Variants in LPP observed in about 807,000 individuals in gnomAD.
LPP encodes lipoma-preferred partner.
A neutral mutation model predicts 60.4 loss-of-function variants in LPP; 38 were observed. That is an observed-to-expected ratio of 0.63 (90% confidence interval 0.49 to 0.83). LPP has a LOEUF of 0.83. LPP is among the 40% of genes least tolerant of loss of function. The probability of loss-of-function intolerance (pLI) is 0.00; values close to 1 mark genes in which losing one functional copy is unlikely to be tolerated. For synonymous variants in LPP, 328 were observed against 290.8 expected, an observed-to-expected ratio of 1.13 and a Z score of -1.30; for missense variants, 902 against 783.6, an observed-to-expected ratio of 1.15 and a Z score of -1.80.
intron 4 of LPP, among the ~76,000 whole-genome samples, chr3:188,484,287 C>T (rs1805672414): frequency 6.6e-6 from 1 of 152,156 alleles, no homozygotes; most frequent in Non-Finnish European, 1.5e-5. Flanking sequence ...AGGGCAAGCA[C>T]CAAGGTGTAT....
intron 1 of LPP, among the ~76,000 whole-genome samples, chr3:188,215,952 C>T (rs2149247161): frequency 6.6e-6 from 1 of 152,326 alleles, no homozygotes; most frequent in South Asian, 2.1e-4. Flanking sequence ...TGCTTCCTTT[C>T]TTTTGTATTG....
At chr3:188,306,717 G>A (rs551007876) in intron 2 of LPP, among the ~76,000 whole-genome samples, 1 of 152,324 alleles carries the variant, frequency 6.6e-6, no homozygotes, top group Admixed American at 6.5e-5. Flanking sequence ...CATCCTCTCT[G>A]AAAGGGGTGA....
intron 4 of LPP, among the ~76,000 whole-genome samples, 170 bp downstream of exon 4, chr3:188,406,483 T>C (rs1316421405): frequency 6.6e-6 from 1 of 152,190 alleles, no homozygotes; most frequent in Non-Finnish European, 1.5e-5. Context: ...ACCAACCCCG[T>C]CTTTTAGGAA....
Position 188,890,173 on chromosome 3 carries a change from G to T in LPP, c.*15694G>T, listed in dbSNP as rs1188599064. 4.6e-6 allele frequency: 1 copy of T among 217,740 alleles called. No homozygotes were observed. The highest frequency in any genetic ancestry group is 6.8e-5 in the East Asian group (1 of 14,798). The allele number at this position is 217,740 out of a possible 1,614,324, so 13.5% of individuals were successfully genotyped here. ...TCTATGCTAAATGTGTCTACTAAGA[G>T]CAGCACTTCCTACTAGCTAAGCACA... On this transcript the variant is annotated 3_prime_UTR_variant, in exon 12 of 12. Transcript: ENST00000617246.
chr3:188,653,209 G>C (rs1163488130), intron 7 of LPP, among the ~76,000 whole-genome samples: 1 of 152,166 alleles, frequency 6.6e-6, no homozygotes, highest in African/African-American at 2.4e-5. Context: ...TGGATGTTGA[G>C]CACCTCTCCT....
Position 188,609,584 on chromosome 3 carries a change from C to G in LPP, c.853C>G (p.Pro285Ala). 6.2e-7 allele frequency: 1 copy of G among 1,614,136 alleles called. No individual in the cohort carries two copies. The highest frequency in any genetic ancestry group is 8.5e-7 in the Non-Finnish European group (1 of 1,180,022). Residue 285 changes from proline (P) to alanine (A), a missense_variant, in exon 7 of 12, where the codon CCT becomes GCT. Physicochemically the swap from Pro to Ala is conservative, Grantham distance 27 (BLOSUM62 -1). Coordinates refer to ENST00000617246, the MANE Select transcript of LPP (RefSeq NM_001375462.1). The surrounding 1 kb of genome is among the most constrained non-coding windows in gnomAD (Gnocchi z 6.9). ...TCCACCACCAGGACTTCAGCCGGAGCCTGGGTATGGGTATGCCCCCAACCA... is the reference window on the plus strand; with the variant it reads ...TCCACCACCAGGACTTCAGCCGGAGGCTGGGTATGGGTATGCCCCCAACCA... ...YIPPPGLQPE[P>A]GYGYAPNQGR...
At chr3:188,324,444 C>T (rs1026802751) in intron 2 of LPP, among the ~76,000 whole-genome samples, 3 of 152,140 alleles carry the variant, frequency 2.0e-5, no homozygotes, top group Non-Finnish European at 4.4e-5. Flanking sequence ...ACCCGAAATG[C>T]GTCATCTCAA....
At chr3:188,416,645 T>C (rs1257683461) in intron 4 of LPP, among the ~76,000 whole-genome samples, 1 of 152,210 alleles carries the variant, frequency 6.6e-6, no homozygotes, top group Non-Finnish European at 1.5e-5. Flanking sequence ...AGAGCATCTT[T>C]CATGTTGCTA....
chr3:188,704,670 C>G (rs1027347588), intron 7 of LPP, among the ~76,000 whole-genome samples: 2 of 152,126 alleles, frequency 1.3e-5, no homozygotes, highest in African/African-American at 4.8e-5. Flanking sequence ...CTGGATGTTC[C>G]TAATTGAGAA....
intron 6 of LPP, among the ~76,000 whole-genome samples, chr3:188,589,171 T>C (rs1214745797): frequency 6.6e-6 from 1 of 152,054 alleles, no homozygotes; most frequent in Non-Finnish European, 1.5e-5. Flanking sequence ...TAATTTGATA[T>C]ACTTTTGAGT....
At chr3:188,485,372 G>A (rs559771167) in intron 5 of LPP, among the ~76,000 whole-genome samples, 114 of 152,308 alleles carry the variant, frequency 7.5e-4, no homozygotes, top group African/African-American at 2.7e-3. Context: ...AGTGCTTTAT[G>A]TCAAGAAGAA....
intron 9 of LPP, among the ~76,000 whole-genome samples, chr3:188,834,697 A>T (rs1173712871): frequency 2.0e-5 from 3 of 152,182 alleles, no homozygotes; most frequent in Admixed American, 2.0e-4. Context: ...GAAAGCTGAC[A>T]TTCCTTAACT....
At position 188,877,951 on chromosome 3, in the gene LPP, A is replaced by G. The variant is rs1284215864; in HGVS notation, c.*3472A>G. 9.3e-6 allele frequency: 2 copies of G among 214,178 alleles called. No homozygotes were observed. Among genetic ancestry groups the G allele is most frequent in the African/African-American group, 4.5e-5 (2 of 44,322 alleles). The allele number at this position is 214,178 out of a possible 1,614,324, so 13.3% of individuals were successfully genotyped here. A position where few individuals can be genotyped will look rare whatever the true frequency, so the allele number is the denominator to read the frequency against. On this transcript the variant is annotated 3_prime_UTR_variant, in exon 12 of 12. Transcript: ENST00000617246. ...TTAAGGGGGTGGACTTATCAACACT[A>G]TAATTGTTCCCTATGAAAGATTCCA...
At chr3:188,866,032 T>C (rs1253628234) in intron 9 of LPP, among the ~76,000 whole-genome samples, 168 bp from the exon 10 acceptor site, 2 of 152,246 alleles carry the variant, frequency 1.3e-5, no homozygotes, top group Non-Finnish European at 2.9e-5. Context: ...TGTTTTCTAT[T>C]TGTAAGGACT....
In LPP at chr3:188,877,938, A is replaced by C. The variant is rs920233923; in HGVS notation, c.*3459A>C. The C allele has an allele frequency of 1.4e-5, 3 of 214,186 alleles. No individual in the cohort carries two copies. Among genetic ancestry groups the C allele is most frequent in the African/African-American group, 6.8e-5 (3 of 44,380 alleles). The allele number at this position is 214,186 out of a possible 1,614,324, so 13.3% of individuals were successfully genotyped here. ...GGGTATGTGCTGATTAAGGGGGTGG[A>C]CTTATCAACACTATAATTGTTCCCT... is the stretch of plus-strand genomic sequence containing the variant. On this transcript the variant is annotated 3_prime_UTR_variant, in exon 12 of 12. Coordinates refer to ENST00000617246, the MANE Select transcript of LPP (RefSeq NM_001375462.1).
chr3:188,352,144 T>G lies in LPP; in HGVS notation c.-10+10425T>G, dbSNP rs1766039487. Among the ~76,000 whole-genome samples, 1 of 152,238 alleles carries G rather than the reference T, an allele frequency of 6.6e-6. No homozygotes were observed. The highest frequency in any genetic ancestry group is 6.5e-5 in the Admixed American group (1 of 15,278). ...GGCCGCAGGTCTTAAGGCTCTGTGA[T>G]GGCAGAGTCTTCTGTATTGGACTGT... On this transcript the variant is annotated intron_variant, in intron 3 of 11. Transcript: ENST00000617246. This position sits in a 1 kb window ranked among gnomAD's most constrained non-coding sequence, Gnocchi z 4.4.
At chr3:188,587,445 G>A (rs745905079) in intron 6 of LPP, among the ~76,000 whole-genome samples, 9 of 151,996 alleles carry the variant, frequency 5.9e-5, no homozygotes, top group Admixed American at 2.6e-4. Flanking sequence ...TTATTTTCAT[G>A]TTGTTACTAC....
At chr3:188,796,481 G>A (rs1745384324) in intron 9 of LPP, among the ~76,000 whole-genome samples, 1 of 152,126 alleles carries the variant, frequency 6.6e-6, no homozygotes. Flanking sequence ...GGCAATAGGG[G>A]AGCTATGGAA....
chr3:188,233,097 G>C (rs1349333600), intron 2 of LPP, among the ~76,000 whole-genome samples: 2 of 151,988 alleles, frequency 1.3e-5, no homozygotes, highest in African/African-American at 4.8e-5. Flanking sequence ...TTTGTGTATT[G>C]GTCACCCCAG....
Sources: gnomAD v4.1 joint callset for allele counts (sites outside exome capture counted in the v4.1 genomes callset) on GRCh38, gnomAD v4.1.1 for gene constraint, Gnocchi (gnomAD v3.1) non-coding constraint, MANE v1.5 for transcripts, NCBI Gene and HGNC (gene_info 2026-07-23, HGNC 2026-07-21) for gene names.